NRXN3: variants seen among roughly 807,000 people sequenced by gnomAD.
NRXN3 encodes the protein neurexin 3, also known as neurexin III.
Under a neutral mutation model 137.6 loss-of-function variants are expected in NRXN3, and 32 were observed. That is an observed-to-expected ratio of 0.23 (90% CI 0.18 to 0.31). The LOEUF (loss-of-function observed/expected upper bound fraction) is 0.31. Among genes scored for constraint, NRXN3 ranks in the 10% least tolerant of loss-of-function variants. NRXN3 has a pLI of 1.00. For missense variants in NRXN3, 1,574 were observed against 2,062.5 expected (o/e 0.76, Z 4.59); for synonymous variants, 798 against 784.5 (o/e 1.02, Z -0.29).
chr14:79,535,388 G>C (rs1004602867), intron 16 of NRXN3, among the ~76,000 whole-genome samples: 4 of 152,120 alleles, frequency 2.6e-5, no homozygotes, highest in Non-Finnish European at 5.9e-5. Flanking sequence ...AGCATGGATC[G>C]GTTGCAGCAT....
chr14:79,346,415 C>T (rs1012548667), intron 15 of NRXN3, among the ~76,000 whole-genome samples: 1 of 151,978 alleles, frequency 6.6e-6, no homozygotes, highest in Non-Finnish European at 1.5e-5. Flanking sequence ...GAGTGAAACT[C>T]TGTCTCAAAA....
At chr14:79,402,669 C>G (rs189822520) in intron 15 of NRXN3, among the ~76,000 whole-genome samples, 2 of 152,322 alleles carry the variant, frequency 1.3e-5, no homozygotes, top group Admixed American at 6.5e-5. Flanking sequence ...ATATTGGCTA[C>G]TTGCCACCAT....
intron 4 of NRXN3, among the ~76,000 whole-genome samples, chr14:78,372,055 A>C (rs1022780406): frequency 1.3e-5 from 2 of 149,778 alleles, no homozygotes; most frequent in African/African-American, 4.9e-5. Context: ...AGTCTACAGA[A>C]TTGCAGAACA....
chr14:79,132,259 A>G (rs1184501414), intron 15 of NRXN3, among the ~76,000 whole-genome samples: 1 of 152,250 alleles, frequency 6.6e-6, no homozygotes, highest in African/African-American at 2.4e-5. Context: ...AGACATAAGT[A>G]TGTGTGAAAC....
At chr14:79,098,433 A>G (rs1487239216) in intron 15 of NRXN3, among the ~76,000 whole-genome samples, 1 of 152,164 alleles carries the variant, frequency 6.6e-6, no homozygotes, top group Non-Finnish European at 1.5e-5. Context: ...GATGAAGCAA[A>G]TATTTTTCTT....
chr14:79,561,358 C>CTA (rs1163533994), intron 16 of NRXN3, among the ~76,000 whole-genome samples: 2 of 152,120 alleles, frequency 1.3e-5, no homozygotes, highest in African/African-American at 4.8e-5. Context: ...GTGATGTTGA[C>CTA]TATATCATGC....
Position 78,504,095 on chromosome 14 carries a change from T to C in NRXN3, c.758-141025T>C, listed in dbSNP as rs994452677. 2.6e-5 allele frequency among the ~76,000 whole-genome samples: 4 copies of C among 152,260 alleles called. No homozygotes were observed. The East Asian group carries it at 5.8e-4, about 22-fold the overall frequency. ...ATAATAGGAATTGCTAAGAGGGGAATAGAGTTCTTAGTTTCCCATCCTTGG... is the reference window on the plus strand; with the variant it reads ...ATAATAGGAATTGCTAAGAGGGGAACAGAGTTCTTAGTTTCCCATCCTTGG... On this transcript the variant is annotated intron_variant, in intron 4 of 20. Coordinates refer to ENST00000335750, the MANE Select transcript of NRXN3 (RefSeq NM_001330195.2).
At chr14:78,498,479 G>A (rs1382609231) in intron 4 of NRXN3, among the ~76,000 whole-genome samples, 2 of 152,116 alleles carry the variant, frequency 1.3e-5, no homozygotes, top group African/African-American at 2.4e-5. Flanking sequence ...TGTATTCCAG[G>A]AAGAGTTTAA....
intron 8 of NRXN3, among the ~76,000 whole-genome samples, chr14:78,765,936 G>A (rs746419569): frequency 3.7e-4 from 56 of 152,056 alleles, no homozygotes; most frequent in Non-Finnish European, 7.5e-4. Flanking sequence ...TGACAAAAAG[G>A]ACTTTAGCAG....
intron 20 of NRXN3, among the ~76,000 whole-genome samples, chr14:79,808,270 ATATATG>A (rs2099217687): frequency 2.1e-5 from 3 of 144,858 alleles, no homozygotes; most frequent in African/African-American, 7.7e-5. Flanking sequence ...ATATATATAT[ATATATG>A]TATGTATGTA....
intron 6 of NRXN3, among the ~76,000 whole-genome samples, chr14:78,698,937 T>C (rs2098253455): frequency 1.3e-5 from 2 of 152,204 alleles, no homozygotes; most frequent in Admixed American, 1.3e-4. Context: ...TTCTGCATTA[T>C]AGTCTTCACA....
intron 10 of NRXN3, among the ~76,000 whole-genome samples, chr14:78,875,157 A>G (rs1345763819): frequency 1.3e-5 from 2 of 152,224 alleles, no homozygotes; most frequent in Admixed American, 6.5e-5. Flanking sequence ...TCAGAAGCCA[A>G]TTGAGATATC....
chr14:79,286,534 T>TG (rs1272863979), intron 15 of NRXN3, among the ~76,000 whole-genome samples: 1 of 111,870 alleles, frequency 8.9e-6, no homozygotes, highest in Non-Finnish European at 1.8e-5. Context: ...ATTGAGAGAA[T>TG]AATATATATA....
At chr14:78,496,014 T>A (rs1187436301) in intron 4 of NRXN3, among the ~76,000 whole-genome samples, 3 of 152,224 alleles carry the variant, frequency 2.0e-5, no homozygotes, top group African/African-American at 7.2e-5. Flanking sequence ...ACATTGATTA[T>A]AGGAGTTGTG....
At chr14:79,459,392 C>T (rs2153600575) in intron 15 of NRXN3, among the ~76,000 whole-genome samples, 1 of 152,018 alleles carries the variant, frequency 6.6e-6, no homozygotes, top group Non-Finnish European at 1.5e-5. Context: ...TTGGTGGGCC[C>T]TCATCCAATA....
intron 8 of NRXN3, among the ~76,000 whole-genome samples, chr14:78,724,795 T>C (rs994248200): frequency 6.6e-6 from 1 of 152,154 alleles, no homozygotes; most frequent in South Asian, 2.1e-4. Flanking sequence ...GGAAGAGATG[T>C]ATATATTTCT....
At chr14:78,587,470 G>A (rs545499951) in intron 4 of NRXN3, among the ~76,000 whole-genome samples, 9 of 152,238 alleles carry the variant, frequency 5.9e-5, no homozygotes, top group African/African-American at 2.2e-4. Context: ...ATATGGGAAC[G>A]TTAATAGCAC....
At chr14:78,328,438 C>T (rs1006198361) in intron 4 of NRXN3, among the ~76,000 whole-genome samples, 2 of 152,130 alleles carry the variant, frequency 1.3e-5, no homozygotes, top group African/African-American at 4.8e-5. Context: ...TCATATTCAA[C>T]TATTTGACGC....
At chr14:78,507,775 T>C (rs1263655134) in intron 4 of NRXN3, among the ~76,000 whole-genome samples, 1 of 152,146 alleles carries the variant, frequency 6.6e-6, no homozygotes, top group Non-Finnish European at 1.5e-5. Flanking sequence ...TAAATAAGCA[T>C]CCATTTTATA....
Sources: gnomAD v4.1 joint callset for allele counts (sites outside exome capture counted in the v4.1 genomes callset) on GRCh38, gnomAD v4.1.1 for gene constraint, MANE v1.5 for transcripts, NCBI Gene and HGNC (gene_info 2026-07-23, HGNC 2026-07-21) for gene names.